Variants in LNPEP observed in about 807,000 individuals in gnomAD.
LNPEP encodes the protein leucyl-cystinyl aminopeptidase.
In LNPEP, 64 loss-of-function variants were observed where a neutral mutation model predicts 120.6. The ratio of observed to expected loss-of-function variants is 0.53; its 90% CI spans 0.43 to 0.65. LNPEP has a LOEUF of 0.65. Ranked by LOEUF, LNPEP falls within the 30% of genes least tolerant of loss-of-function variation. The pLI is 0.00. For missense variants in LNPEP, 1,057 were observed against 1,200.0 expected, an observed-to-expected ratio of 0.88 and a Z score of 1.76; for synonymous variants, 435 against 425.4, an observed-to-expected ratio of 1.02 and a Z score of -0.28.
intron 1 of LNPEP, among the ~76,000 whole-genome samples, chr5:96,963,903 A>C (rs565316989): frequency 6.6e-6 from 1 of 152,148 alleles, no homozygotes; most frequent in Non-Finnish European, 1.5e-5. Flanking sequence ...AGAACATTCA[A>C]AAGTTTCTAT....
At chr5:96,943,034 A>C (rs1451129918) in intron 1 of LNPEP, 1 of 206,394 alleles carries the variant, frequency 4.8e-6, no homozygotes, top group Non-Finnish European at 1.0e-5. Context: ...TACAAGAAAA[A>C]CTTCTTATGA....
chr5:96,965,895 GTATTA>G (rs1304585283), intron 1 of LNPEP, among the ~76,000 whole-genome samples: 2 of 152,052 alleles, frequency 1.3e-5, no homozygotes, highest in Non-Finnish European at 1.5e-5. Flanking sequence ...ATTAAGATTT[GTATTA>G]TATTATAGTT....
intron 11 of LNPEP, among the ~76,000 whole-genome samples, chr5:97,009,632 A>G (rs980317766): frequency 2.0e-5 from 3 of 152,190 alleles, no homozygotes; most frequent in Non-Finnish European, 4.4e-5. Context: ...GGGCCAATAC[A>G]TGATGAAAGT....
chr5:96,945,249 TAAAAA>T (rs34815125), intron 1 of LNPEP, among the ~76,000 whole-genome samples: 1 of 148,464 alleles, frequency 6.7e-6, no homozygotes, highest in Non-Finnish European at 1.5e-5. Context: ...AATTAAAAAT[TAAAAA>T]AAAAAATTAG....
chr5:96,980,635 T>C (rs974593673), intron 2 of LNPEP, among the ~76,000 whole-genome samples: 1 of 152,194 alleles, frequency 6.6e-6, no homozygotes, highest in African/African-American at 2.4e-5. Context: ...TTTGAAATTC[T>C]GGGAAGATGG....
intron 4 of LNPEP, among the ~76,000 whole-genome samples, chr5:96,987,192 G>C (rs990488936): frequency 9.2e-5 from 14 of 151,892 alleles, no homozygotes. Flanking sequence ...TAAGGGTCTG[G>C]TTTATCTGTA....
chr5:96,950,086 ATT>A (rs1332202521), intron 1 of LNPEP, among the ~76,000 whole-genome samples: 1 of 152,210 alleles, frequency 6.6e-6, no homozygotes, highest in African/African-American at 2.4e-5. Context: ...TACTTGGAGT[ATT>A]TCAAACCCTA....
At chr5:97,010,964 G>A (rs982258032) in intron 11 of LNPEP, 1 of 985,184 alleles carries the variant, frequency 1.0e-6, no homozygotes, top group Non-Finnish European at 1.2e-6. Flanking sequence ...GCTGTTGGCT[G>A]TACTGCTTTA....
intron 12 of LNPEP, among the ~76,000 whole-genome samples, chr5:97,014,362 G>A (rs1185847096): frequency 2.0e-5 from 3 of 152,088 alleles, no homozygotes; most frequent in Non-Finnish European, 4.4e-5. Flanking sequence ...AAACACTGAC[G>A]TGTTCCTTCT....
In LNPEP at chr5:97,031,425, A is replaced by G. The variant is rs1054951283; in HGVS notation, c.*2892A>G. 6.6e-6 allele frequency: 1 copy of G among 152,168 alleles called. No homozygotes were observed. Among genetic ancestry groups the G allele is most frequent in the African/African-American group, 2.4e-5 (1 of 41,436 alleles). 9.4% of individuals were successfully genotyped at this position (152,168 alleles called of 1,614,324 possible). ...TTCAGCATTCATGAACTTTCTTACT[A>G]TCACAGGTTCTACTTTAATTTTCCT... On this transcript the variant is annotated 3_prime_UTR_variant, in exon 18 of 18. Coordinates refer to ENST00000231368, the MANE Select transcript of LNPEP (RefSeq NM_005575.3).
At chr5:96,964,469 C>T (rs188409274) in intron 1 of LNPEP, among the ~76,000 whole-genome samples, 24 of 152,022 alleles carry the variant, frequency 1.6e-4, no homozygotes, top group Non-Finnish European at 1.5e-5. Context: ...TGTTTATAAC[C>T]TGCTTTTCTC....
At chr5:96,973,700 C>T (rs1789927217) in intron 1 of LNPEP, among the ~76,000 whole-genome samples, 2 of 152,112 alleles carry the variant, frequency 1.3e-5, no homozygotes, top group African/African-American at 4.8e-5. Context: ...ATTTTGGTTT[C>T]ACAGGGAGCC....
At chr5:97,000,503 A>G (rs916364689) in intron 8 of LNPEP, among the ~76,000 whole-genome samples, 1 of 152,024 alleles carries the variant, frequency 6.6e-6, no homozygotes, top group African/African-American at 2.4e-5. Flanking sequence ...TGAAAATGTG[A>G]TTTCCTTCTG....
intron 1 of LNPEP, among the ~76,000 whole-genome samples, chr5:96,962,432 G>T (rs1281048603): frequency 1.3e-5 from 2 of 152,124 alleles, no homozygotes; most frequent in Non-Finnish European, 2.9e-5. Flanking sequence ...ATAATTTTTT[G>T]AGTACACACT....
At chr5:96,965,036 T>C (rs975163953) in intron 1 of LNPEP, among the ~76,000 whole-genome samples, 3 of 152,114 alleles carry the variant, frequency 2.0e-5, no homozygotes, top group Non-Finnish European at 4.4e-5. Flanking sequence ...ATCAGGGCAG[T>C]TGGAATATCC....
At chr5:97,016,959 A>G (rs542823829) in intron 13 of LNPEP, among the ~76,000 whole-genome samples, 24 of 152,294 alleles carry the variant, frequency 1.6e-4, no homozygotes, top group Non-Finnish European at 3.1e-4. Context: ...TAGCACTGCT[A>G]TGATGTCTTC....
intron 6 of LNPEP, among the ~76,000 whole-genome samples, chr5:96,994,650 C>A (rs573280199): frequency 6.6e-6 from 1 of 152,250 alleles, no homozygotes; most frequent in East Asian, 1.9e-4. Context: ...AGATGAGGTG[C>A]TTAACTAGCA....
intron 1 of LNPEP, 25 bp from the exon 2 acceptor site, chr5:96,979,113 T>G (rs1407231796): frequency 1.3e-6 from 2 of 1,559,238 alleles, no homozygotes; most frequent in Non-Finnish European, 1.7e-6. Context: ...ACTCTGTGCC[T>G]TGTTCTTATG....
chr5:96,981,823 A>G (rs1790132456), intron 2 of LNPEP, among the ~76,000 whole-genome samples: 1 of 152,194 alleles, frequency 6.6e-6, no homozygotes, highest in Non-Finnish European at 1.5e-5. Flanking sequence ...AAAGTCCTAG[A>G]TAACAAACTG....
Sources: gnomAD v4.1 joint callset for allele counts (sites outside exome capture counted in the v4.1 genomes callset) on GRCh38, gnomAD v4.1.1 for gene constraint, MANE v1.5 for transcripts, NCBI Gene and HGNC (gene_info 2026-07-23, HGNC 2026-07-21) for gene names.